Variants in ENPEP observed in about 807,000 individuals in gnomAD.
The protein encoded by ENPEP is glutamyl aminopeptidase.
A neutral mutation model predicts 114.5 loss-of-function variants in ENPEP; 103 were observed. The ratio of observed to expected loss-of-function variants is 0.90; its 90% confidence interval spans 0.77 to 1.06. The LOEUF (loss-of-function observed/expected upper bound fraction) is 1.06, where lower values mean the gene tolerates loss of function less well. Ranked by LOEUF, ENPEP falls within the 50% of genes least tolerant of loss-of-function variation. The probability of loss-of-function intolerance (pLI) is 0.00; values close to 1 mark genes in which losing one functional copy is unlikely to be tolerated. For missense variants in ENPEP, 1,196 were observed against 1,161.3 expected, an observed-to-expected ratio of 1.03 and a Z score of -0.43; for synonymous variants, 420 against 422.0, an observed-to-expected ratio of 1.00 and a Z score of 0.06.
intron 11 of ENPEP, among the ~76,000 whole-genome samples, chr4:110,533,664 G>A (rs937014781): frequency 2.6e-5 from 4 of 152,184 alleles, no homozygotes; most frequent in African/African-American, 9.7e-5. Context: ...TAGAGGAGAC[G>A]TGTGCTCTGG....
In ENPEP at chr4:110,553,321, G is replaced by A. The variant is rs1216893457; in HGVS notation, c.2508G>A (p.Leu836=). 1 of 1,582,502 alleles carries A rather than the reference G, an allele frequency of 6.3e-7. No homozygotes were observed. Among genetic ancestry groups the A allele is most frequent in the Non-Finnish European group, 8.6e-7 (1 of 1,159,852 alleles). ...TCTGTTTGGCTTCTCTTAGGTATTT[G>A]GATTTGCTCAAGGACACGAACCTTA... ...VKNVTLLSRY[L]DLLKDTNLIK... The change falls in exon 18 of 20, where the codon TTG becomes TTA. Residue 836 remains leucine, a synonymous_variant. Transcript: ENST00000265162.
At position 110,513,469 on chromosome 4, in the gene ENPEP, A is replaced by T. The variant is rs1725654223; in HGVS notation, c.1363A>T (p.Met455Leu). The T allele has an allele frequency of 6.2e-7, 1 of 1,613,338 alleles. No homozygotes were observed. The highest frequency in any genetic ancestry group is 1.3e-5 in the African/African-American group (1 of 74,892). ...ACCTGTTCAAGAGGATGATTCTTTG[A>T]TGTCTTCGCATCCAATTATTGTGAC... ...VLPVQEDDSL[M>L]SSHPIIVTVT... Residue 455 changes from methionine to leucine, a missense_variant, in exon 7 of 20, where the codon ATG becomes TTG. Met to Leu is a conservative substitution (Grantham distance 15). Coordinates refer to ENST00000265162, the MANE Select transcript of ENPEP (RefSeq NM_001977.4).
chr4:110,553,414 C>T lies in ENPEP; in HGVS notation c.2601C>T (p.Ala867=). ...ISYNSYGKNM[A]WNWIQLNWDY... ...ATAACAGCTATGGGAAGAACATGGC[C>T]TGGAATTGGATACAACTCAACTGGG... The change falls in exon 18 of 20, where the codon GCC becomes GCT. Residue 867 remains alanine (A), a synonymous_variant. Coordinates refer to ENST00000265162, the MANE Select transcript of ENPEP (RefSeq NM_001977.4). 1.9e-6 allele frequency: 3 copies of T among 1,610,980 alleles called. No individual in the cohort carries two copies. The highest frequency in any genetic ancestry group is 2.2e-5 in the East Asian group (1 of 44,802).
intron 10 of ENPEP, among the ~76,000 whole-genome samples, chr4:110,522,900 G>A (rs531774830): frequency 6.6e-6 from 1 of 152,222 alleles, no homozygotes; most frequent in East Asian, 1.9e-4. Context: ...GGTTTTGGGG[G>A]TTGGAGGAGA....
At position 110,561,108 on chromosome 4, in the gene ENPEP, T is replaced by C. The variant is rs534079714; in HGVS notation, c.2722-298T>C. On this transcript the variant is annotated intron_variant, in intron 19 of 19. Transcript: ENST00000265162. Reference sequence around the variant, plus strand: ...AACACCTTGGGGAATTCAGAGAAAATAGAGAAAGCAGCAGAAACAGAAATG... The same window carrying C: ...AACACCTTGGGGAATTCAGAGAAAACAGAGAAAGCAGCAGAAACAGAAATG... Among the ~76,000 whole-genome samples, 3 of 151,818 alleles carry C rather than the reference T, an allele frequency of 2.0e-5. No individual in the cohort carries two copies. The South Asian group carries it at 6.3e-4, about 32-fold the overall frequency.
chr4:110,559,781 TA>T (rs956630698), intron 19 of ENPEP, 56 bp downstream of exon 19: 4 of 1,440,962 alleles, frequency 2.8e-6, no homozygotes, highest in East Asian at 2.3e-5. Flanking sequence ...GAAACTTTTT[TA>T]AAAAAAATTT....
intron 3 of ENPEP, among the ~76,000 whole-genome samples, chr4:110,501,711 C>T (rs7674406): frequency 0.2 from 31,022 of 152,114 alleles, 4,062 homozygotes; most frequent in African/African-American, 0.37. Context: ...ATTCCATCCA[C>T]GTCTTTGCTA....
chr4:110,502,295 G>C (rs1420463575), intron 3 of ENPEP, among the ~76,000 whole-genome samples: 1 of 152,016 alleles, frequency 6.6e-6, no homozygotes, highest in African/African-American at 2.4e-5. Context: ...AAGTCCATTT[G>C]CCTACTTATG....
In ENPEP at chr4:110,491,070, C is replaced by A. The variant is rs200421305; in HGVS notation, c.824C>A (p.Thr275Asn). The part of the protein sequence containing the change: ...ESVDDKWTRT[T>N]FEKSVPMSTY... The stretch of plus-strand genomic sequence containing the variant: ...GTGGATGATAAATGGACTCGAACAA[C>A]TTTTGAGAAGTCTGTCCCCATGAGC... Residue 275 changes from threonine to asparagine, a missense_variant, in exon 3 of 20, where the codon ACT becomes AAT. Transcript: ENST00000265162. 49 of 1,612,242 alleles carry A rather than the reference C, an allele frequency of 3.0e-5. No homozygotes were observed. In the African/African-American group the frequency reaches 5.7e-4, roughly 19 times the overall value.
At position 110,510,366 on chromosome 4, in the gene ENPEP, C is replaced by G; in HGVS notation, c.1308+8C>G. On this transcript the variant is annotated splice_region_variant and intron_variant, in intron 6 of 19. Transcript: ENST00000265162. Reference sequence around the variant, plus strand: ...GAAACAGACTGGCAAATGGTGAGTCCTAAACACATAAACTTGAAATCTCTC... The same window carrying G: ...GAAACAGACTGGCAAATGGTGAGTCGTAAACACATAAACTTGAAATCTCTC... 1.3e-6 allele frequency: 2 copies of G among 1,599,188 alleles called. No individual in the cohort carries two copies. Among genetic ancestry groups the G allele is most frequent in the Non-Finnish European group, 1.7e-6 (2 of 1,166,562 alleles).
In ENPEP at chr4:110,513,529, G is replaced by A. The variant is rs759668542; in HGVS notation, c.1423G>A (p.Asp475Asn). The change falls in exon 7 of 20, where the codon GAT (aspartate) becomes AAT (asparagine). Residue 475 changes from aspartate (D) to asparagine (N), a missense_variant. Transcript: ENST00000265162. Reference protein sequence around the residue: ...TTPDEITSVFDGISYSKGSSI... With the variant: ...TTPDEITSVFNGISYSKGSSI... ...CCCTGATGAAATAACATCTGTTTTT[G>A]ATGGAATATCCTATAGCAAGGTGGG... is the stretch of plus-strand genomic sequence containing the variant. 6.2e-6 allele frequency: 10 copies of A among 1,612,958 alleles called. No individual in the cohort carries two copies. The highest frequency in any genetic ancestry group is 8.5e-6 in the Non-Finnish European group (10 of 1,179,452).
chr4:110,547,561 C>A (rs780421069), intron 13 of ENPEP, among the ~76,000 whole-genome samples: 30 of 152,020 alleles, frequency 2.0e-4, no homozygotes, highest in Non-Finnish European at 3.7e-4. Context: ...TTCTAAAATT[C>A]TTTTGAAAGG....
intron 6 of ENPEP, chr4:110,512,586 A>G (rs959831366): frequency 1.3e-5 from 2 of 152,238 alleles, no homozygotes; most frequent in African/African-American, 2.4e-5. Flanking sequence ...AGTAGAGCCA[A>G]TGAAATTTTT....
At chr4:110,551,292 A>G (rs948888001) in intron 17 of ENPEP, among the ~76,000 whole-genome samples, 1 of 152,126 alleles carries the variant, frequency 6.6e-6, no homozygotes, top group African/African-American at 2.4e-5. Flanking sequence ...TGGAAGTTCA[A>G]TAGTTTAAAG....
intron 1 of ENPEP, 145 bp downstream of exon 1, chr4:110,477,203 G>C: frequency 1.7e-6 from 2 of 1,190,266 alleles, no homozygotes; most frequent in Non-Finnish European, 2.3e-6. Context: ...TGTCCATCTG[G>C]GAAGCCAAAA....
rs771415907 is a variant in ENPEP at position 110,520,060 on chromosome 4, C to A, written c.1562C>A (p.Ala521Glu). 185 of 1,613,862 alleles carry A rather than the reference C, an allele frequency of 1.1e-4. 3 individuals carry two copies. The South Asian group carries it at 2.0e-3, about 17-fold the overall frequency. Reference protein sequence around the residue: ...FKNAKTSDFWAALEEASRLPV... With the variant: ...FKNAKTSDFWEALEEASRLPV... ...AATGCAAAAACTTCTGATTTTTGGG[C>A]AGCACTGGAAGAGGTAAGGAAGAGT... Residue 521 changes from alanine (A) to glutamate (E), a missense_variant, in exon 9 of 20, where the codon GCA becomes GAA. By Grantham distance (107) the Ala-to-Glu change is moderately radical. Transcript: ENST00000265162.
At chr4:110,531,585 GTTTTTTC>G in intron 11 of ENPEP, among the ~76,000 whole-genome samples, 1 of 151,554 alleles carries the variant, frequency 6.6e-6, no homozygotes. Flanking sequence ...CTTCCTTTTT[GTTTTTTC>G]TTTTATCAGA....
At chr4:110,511,184 C>T (rs1023625910) in intron 6 of ENPEP, among the ~76,000 whole-genome samples, 2 of 152,074 alleles carry the variant, frequency 1.3e-5, no homozygotes, top group Admixed American at 1.3e-4. Context: ...TGCTTGAAGC[C>T]CTTACAGTTT....
At chr4:110,521,451 G>C (rs1039982721) in intron 10 of ENPEP, among the ~76,000 whole-genome samples, 6 of 151,602 alleles carry the variant, frequency 4.0e-5, no homozygotes, top group Admixed American at 3.3e-4. Context: ...ATCCCTTCTC[G>C]ATAATAGAGA....
Sources: allele counts gnomAD v4.1 joint callset (sites outside exome capture counted in the v4.1 genomes callset), GRCh38; gene constraint gnomAD v4.1.1; transcripts MANE v1.5; gene names NCBI Gene and HGNC (gene_info 2026-07-23, HGNC 2026-07-21).